ENOX1: variants seen among roughly 807,000 people sequenced by gnomAD.
ENOX1 encodes candidate growth-related and time keeping constitutive hydroquinone (NADH) oxidase.
Under a neutral mutation model 82.5 loss-of-function variants are expected in ENOX1, and 42 were observed. The ratio of observed to expected loss-of-function variants is 0.51; its 90% confidence interval spans 0.40 to 0.66. The LOEUF (loss-of-function observed/expected upper bound fraction) is 0.66, where lower values mean the gene tolerates loss of function less well. Ranked by LOEUF, ENOX1 falls within the 30% of genes least tolerant of loss-of-function variation. The pLI, the probability that ENOX1 is intolerant of heterozygous loss-of-function variation, is 0.00. For synonymous variants in ENOX1, 271 were observed against 282.2 expected (o/e 0.96, Z 0.40); for missense variants, 608 against 811.6 (o/e 0.75, Z 3.05).
chr13:43,586,175 A>C (rs976116472), intron 2 of ENOX1, among the ~76,000 whole-genome samples: 1 of 152,250 alleles, frequency 6.6e-6, no homozygotes, highest in Middle Eastern at 3.4e-3. Flanking sequence ...CCCTTCGCCA[A>C]CCCCAAGCTG....
intron 8 of ENOX1, among the ~76,000 whole-genome samples, chr13:43,347,645 G>C (rs567948627): frequency 6.6e-6 from 1 of 152,184 alleles, no homozygotes. Context: ...TCAGTGGAAA[G>C]ATCACTGAGA....
intron 2 of ENOX1, among the ~76,000 whole-genome samples, chr13:43,616,026 C>G (rs1018571089): frequency 7.4e-6 from 1 of 135,048 alleles, no homozygotes; most frequent in African/African-American, 2.8e-5. Flanking sequence ...CAAGCCTTTG[C>G]TATTGTGAAC....
At chr13:43,620,309 G>A (rs1230184438) in intron 2 of ENOX1, among the ~76,000 whole-genome samples, 1 of 151,516 alleles carries the variant, frequency 6.6e-6, no homozygotes, top group African/African-American at 2.4e-5. Context: ...GTTTGTTCTT[G>A]TTTCTCTAGT....
chr13:43,509,634 C>T (rs768277011), intron 2 of ENOX1, among the ~76,000 whole-genome samples: 2 of 151,958 alleles, frequency 1.3e-5, no homozygotes, highest in Admixed American at 6.6e-5. Context: ...AAGTGGAAAA[C>T]CTTAAAAAGA....
rs572883336 is a variant in ENOX1 at position 43,310,307 on chromosome 13, AT to A, written c.1262-11778del. Among the ~76,000 whole-genome samples, 754 of 151,790 alleles carry A rather than the reference AT, an allele frequency of 5.0e-3. 3 individuals carry two copies. Among genetic ancestry groups the A allele is most frequent in the African/African-American group, 0.017 (703 of 41,380 alleles). ...TTAAACAGCTCTACCTTTTTTTCTA[AT>A]TGAGAAACAGAGCTGTTTGGGCAAG... On this transcript the variant is annotated intron_variant, in intron 11 of 16. Coordinates refer to ENST00000690772, the MANE Select transcript of ENOX1 (RefSeq NM_001347969.2).
chr13:43,236,814 CT>C, intron 14 of ENOX1, 76 bp from the exon 15 acceptor site: 1 of 699,876 alleles, frequency 1.4e-6, no homozygotes, highest in Non-Finnish European at 2.3e-6. Flanking sequence ...CACCAGATCT[CT>C]TAAACTCTAT....
chr13:43,666,174 G>C (rs1268997220), intron 2 of ENOX1, among the ~76,000 whole-genome samples: 1 of 152,022 alleles, frequency 6.6e-6, no homozygotes, highest in African/African-American at 2.4e-5. Context: ...AAATGATGCT[G>C]ATAGACTTGC....
intron 12 of ENOX1, among the ~76,000 whole-genome samples, chr13:43,274,737 T>C (rs577975140): frequency 7.2e-5 from 11 of 152,354 alleles, no homozygotes; most frequent in Admixed American, 3.9e-4. Flanking sequence ...ATTATCCATA[T>C]GCCAATCAAG....
intron 1 of ENOX1, among the ~76,000 whole-genome samples, chr13:43,756,420 G>A (rs909590388): frequency 4.8e-5 from 7 of 145,136 alleles, no homozygotes; most frequent in Non-Finnish European, 1.1e-4. Context: ...GCGACAGAGC[G>A]AGACCCTGTC....
chr13:43,765,284 T>C (rs1317847978), intron 1 of ENOX1, among the ~76,000 whole-genome samples: 2 of 152,212 alleles, frequency 1.3e-5, no homozygotes, highest in South Asian at 2.1e-4. Context: ...CTCTGTCATT[T>C]ACAACCGACG....
chr13:43,404,988 G>C (rs1594374240), intron 5 of ENOX1, among the ~76,000 whole-genome samples: 2 of 152,328 alleles, frequency 1.3e-5, no homozygotes, highest in Middle Eastern at 6.8e-3. Flanking sequence ...CAGGCTGTCT[G>C]TATCCCCTTC....
At chr13:43,392,214 A>G (rs190514156) in intron 5 of ENOX1, among the ~76,000 whole-genome samples, 6 of 152,356 alleles carry the variant, frequency 3.9e-5, no homozygotes, top group Admixed American at 3.3e-4. Flanking sequence ...CCTTTATAGT[A>G]ATCATTACCA....
intron 9 of ENOX1, among the ~76,000 whole-genome samples, chr13:43,331,945 CG>C (rs1211976831): frequency 6.6e-6 from 1 of 152,202 alleles, no homozygotes; most frequent in African/African-American, 2.4e-5. Context: ...AGAATGAATA[CG>C]GTCAAACCCA....
intron 2 of ENOX1, among the ~76,000 whole-genome samples, chr13:43,534,309 G>T (rs191141354): frequency 6.6e-6 from 1 of 152,056 alleles, no homozygotes; most frequent in African/African-American, 2.4e-5. Context: ...GCTGGCAACT[G>T]CTGAGTTAAA....
chr13:43,593,003 C>T (rs1188756228), intron 2 of ENOX1, among the ~76,000 whole-genome samples: 1 of 152,188 alleles, frequency 6.6e-6, no homozygotes, highest in East Asian at 1.9e-4. Flanking sequence ...GTAACTATCA[C>T]GTTAGTTATT....
chr13:43,756,733 T>C (rs1375144083), intron 1 of ENOX1, among the ~76,000 whole-genome samples: 4 of 152,110 alleles, frequency 2.6e-5, no homozygotes, highest in African/African-American at 9.7e-5. Flanking sequence ...TGAGCTGAAA[T>C]TGGACAGGCA....
intron 2 of ENOX1, among the ~76,000 whole-genome samples, chr13:43,553,361 G>GA (rs1357264606): frequency 2.0e-5 from 3 of 151,934 alleles, no homozygotes; most frequent in African/African-American, 4.8e-5. Flanking sequence ...AAACAAACGA[G>GA]AAAAAAAATG....
At chr13:43,575,562 A>G (rs1463999361) in intron 2 of ENOX1, among the ~76,000 whole-genome samples, 1 of 152,220 alleles carries the variant, frequency 6.6e-6, no homozygotes, top group Non-Finnish European at 1.5e-5. Flanking sequence ...GTTCCTAAGA[A>G]GAACCTCTGC....
intron 2 of ENOX1, among the ~76,000 whole-genome samples, chr13:43,633,122 T>G (rs764390644): frequency 1.1e-4 from 16 of 152,202 alleles, no homozygotes; most frequent in Non-Finnish European, 2.2e-4. Flanking sequence ...GATTCCAATT[T>G]CATGACAAAT....
Sources: gnomAD v4.1 joint callset for allele counts (sites outside exome capture counted in the v4.1 genomes callset) on GRCh38, gnomAD v4.1.1 for gene constraint, MANE v1.5 for transcripts, NCBI Gene and HGNC (gene_info 2026-07-23, HGNC 2026-07-21) for gene names.